Variants in TIAM1 observed in about 807,000 individuals in gnomAD.
TIAM1 encodes the protein rho guanine nucleotide exchange factor TIAM1.
A neutral mutation model predicts 163.5 loss-of-function variants in TIAM1; 65 were observed. The observed-to-expected ratio is 0.40, with a 90% CI of 0.33 to 0.49. The LOEUF is 0.49. Ranked by LOEUF, TIAM1 falls within the 20% of genes least tolerant of loss-of-function variation. The pLI, the probability that TIAM1 is intolerant of heterozygous loss-of-function variation, is 0.77. For synonymous variants in TIAM1, 833 were observed against 810.1 expected, an observed-to-expected ratio of 1.03 and a Z score of -0.48; for missense variants, 1,789 against 2,044.7, an observed-to-expected ratio of 0.87 and a Z score of 2.41.
At chr21:31,368,603 A>G (rs2076538615) in intron 2 of TIAM1, among the ~76,000 whole-genome samples, 1 of 152,222 alleles carries the variant, frequency 6.6e-6, no homozygotes, top group Non-Finnish European at 1.5e-5. Context: ...ACAGGCTTCA[A>G]ATAGATGCGT....
At chr21:31,170,354 T>C (rs1466725041) in intron 15 of TIAM1, among the ~76,000 whole-genome samples, 1 of 152,222 alleles carries the variant, frequency 6.6e-6, no homozygotes, top group Non-Finnish European at 1.5e-5. Context: ...TTGGTGAATA[T>C]ACATTTTCCA....
chr21:31,470,559 T>C (rs1391025531), intron 1 of TIAM1, among the ~76,000 whole-genome samples: 2 of 143,266 alleles, frequency 1.4e-5, no homozygotes, highest in East Asian at 2.2e-4. Flanking sequence ...TCTCGAACTC[T>C]TGACCTCAGG....
chr21:31,144,656 C>T (rs1460202070), intron 20 of TIAM1, among the ~76,000 whole-genome samples: 1 of 151,706 alleles, frequency 6.6e-6, no homozygotes, highest in Non-Finnish European at 1.5e-5. Flanking sequence ...GGTGAGACCC[C>T]CGTCTCTACT....
chr21:31,240,144 A>G (rs1371756449), intron 6 of TIAM1, among the ~76,000 whole-genome samples: 1 of 152,150 alleles, frequency 6.6e-6, no homozygotes, highest in East Asian at 1.9e-4. Flanking sequence ...TATACCTGGT[A>G]TACTGGCATA....
intron 2 of TIAM1, among the ~76,000 whole-genome samples, chr21:31,402,293 T>G (rs1024543716): frequency 6.6e-6 from 1 of 152,044 alleles, no homozygotes; most frequent in Non-Finnish European, 1.5e-5. Context: ...TCAGGTAGTA[T>G]TGGACTAGAG....
intron 2 of TIAM1, among the ~76,000 whole-genome samples, chr21:31,451,718 C>CGCGT (rs1555985541): frequency 2.1e-5 from 3 of 142,166 alleles, no homozygotes; most frequent in Non-Finnish European, 3.1e-5. Flanking sequence ...CATGTGTGTG[C>CGCGT]GTGTGTGTGT....
In TIAM1 at chr21:31,454,461, A is replaced by G. The variant is rs567537269; in HGVS notation, c.-369+9522T>C. Among the ~76,000 whole-genome samples, 19 of 152,322 alleles carry G rather than the reference A, an allele frequency of 1.2e-4. No individual in the cohort carries two copies. The South Asian group carries it at 3.9e-3, about 32-fold the overall frequency. On this transcript the variant is annotated intron_variant, in intron 2 of 28. Transcript: ENST00000286827. ...TCCTTTCCAAGCAATCCATTCCTGA[A>G]GTCTTAACACGGGCCAGAGCAAGGT...
chr21:31,249,071 G>C, intron 5 of TIAM1, among the ~76,000 whole-genome samples: 1 of 152,146 alleles, frequency 6.6e-6, no homozygotes, highest in South Asian at 2.1e-4. Context: ...ACAAAGTCAG[G>C]GTCTGCTGAA....
intron 1 of TIAM1, among the ~76,000 whole-genome samples, chr21:31,540,375 T>C (rs546411800): frequency 1.5e-5 from 2 of 137,914 alleles, no homozygotes; most frequent in African/African-American, 5.5e-5. Context: ...AAAAGAGCAA[T>C]ACTCCATCTC....
chr21:31,292,470 A>G (rs937292251), intron 2 of TIAM1, among the ~76,000 whole-genome samples: 11 of 151,552 alleles, frequency 7.3e-5, no homozygotes, highest in African/African-American at 2.7e-4. Context: ...CCCGGGTTCA[A>G]GTGATTCTCA....
rs2075381969 is a variant in TIAM1 at position 31,323,423 on chromosome 21, G to A, written c.-189+15820C>T. Among the ~76,000 whole-genome samples, 3 of 151,014 alleles carry A rather than the reference G, an allele frequency of 2.0e-5. No individual in the cohort carries two copies. In the South Asian group the frequency reaches 6.3e-4, roughly 32 times the overall value. On this transcript the variant is annotated intron_variant, in intron 2 of 27. Transcript: ENST00000541036. The stretch of plus-strand genomic sequence containing the variant: ...ACAAAACTATTTAGAGACATCAGTG[G>A]TAGGCCAGGCGCAGTGGCTCATGCC...
At chr21:31,540,486 C>T (rs982646984) in intron 1 of TIAM1, among the ~76,000 whole-genome samples, 2 of 152,046 alleles carry the variant, frequency 1.3e-5, no homozygotes, top group Non-Finnish European at 2.9e-5. Flanking sequence ...CGCCTATAAT[C>T]CCGGCACTTT....
intron 14 of TIAM1, among the ~76,000 whole-genome samples, chr21:31,184,187 C>A (rs2085169583): frequency 6.6e-6 from 1 of 152,058 alleles, no homozygotes; most frequent in African/African-American, 2.4e-5. Flanking sequence ...TTCACTGCAA[C>A]CTCTGCCTCC....
intron 6 of TIAM1, 147 bp from the exon 7 acceptor site, chr21:31,226,097 T>A: frequency 1.5e-6 from 1 of 662,136 alleles, no homozygotes; most frequent in Non-Finnish European, 2.5e-6. Context: ...ACCTCCTCTT[T>A]CTTCAGGAAA....
rs61444599 is a variant in TIAM1, at chr21:31,361,878, T to TAGAC, written c.-368-22460_-368-22457dup. Among the ~76,000 whole-genome samples the TAGAC allele has an allele frequency of 5.2e-3, 783 of 149,376 alleles. 6 individuals carry two copies. The highest frequency in any genetic ancestry group is 0.02 in the East Asian group (101 of 4,968). On this transcript the variant is annotated intron_variant, in intron 2 of 28. Transcript: ENST00000286827. Reference sequence around the variant, plus strand: ...ATAGATAGATAGATAGATAGATAGATAGACAGACATGTGTATACATTTGGT... The same window carrying TAGAC: ...ATAGATAGATAGATAGATAGATAGATAGACAGACAGACATGTGTATACATTTGGT...
At chr21:31,190,771 A>G (rs1213688696) in intron 13 of TIAM1, among the ~76,000 whole-genome samples, 2 of 152,186 alleles carry the variant, frequency 1.3e-5, no homozygotes, top group Admixed American at 6.5e-5. Flanking sequence ...GAGAGGCAAG[A>G]GAGAGAAATT....
chr21:31,543,585 TAAG>T (rs1033439204), intron 1 of TIAM1, among the ~76,000 whole-genome samples: 38 of 152,256 alleles, frequency 2.5e-4, no homozygotes, highest in African/African-American at 8.2e-4. Context: ...AGGAAAACTG[TAAG>T]AAGATGGCTG....
intron 2 of TIAM1, among the ~76,000 whole-genome samples, chr21:31,312,980 C>G (rs1444542216): frequency 6.6e-6 from 1 of 152,232 alleles, no homozygotes. Context: ...GCTCAGCAAT[C>G]TTCTCCAGCC....
In TIAM1 at chr21:31,306,176, T is replaced by G. The variant is rs1053460585; in HGVS notation, c.-188-29268A>C. 3.9e-5 allele frequency among the ~76,000 whole-genome samples: 6 copies of G among 151,948 alleles called. No homozygotes were observed. In the East Asian group the frequency reaches 9.7e-4, roughly 25 times the overall value. ...ACATGCACCTGTAGTCCCAGCTATT[T>G]AAGAGGCTGAAGGAGGAGGATTGCT... On this transcript the variant is annotated intron_variant, in intron 2 of 27. Coordinates refer to ENST00000541036, the MANE Select transcript of TIAM1 (RefSeq NM_001353694.2).
Sources: allele counts gnomAD v4.1 joint callset (sites outside exome capture counted in the v4.1 genomes callset), GRCh38; gene constraint gnomAD v4.1.1; transcripts MANE v1.5; gene names NCBI Gene and HGNC (gene_info 2026-07-23, HGNC 2026-07-21).